Variants in MALRD1 observed in about 807,000 individuals in gnomAD.
MALRD1 encodes MAM and LDL receptor class A domain containing 1, also known as MAM and LDL-receptor class A domain-containing protein 1.
In MALRD1, 247 loss-of-function variants were observed where a neutral mutation model predicts 242.1. The observed-to-expected ratio is 1.02, with a 90% CI of 0.92 to 1.13. The LOEUF is 1.13. MALRD1 is among the 50% of genes most tolerant of loss of function. The pLI is 0.00. For synonymous variants in MALRD1, 995 were observed against 866.6 expected, an observed-to-expected ratio of 1.15 and a Z score of -2.60; for missense variants, 2,989 against 2,533.1, an observed-to-expected ratio of 1.18 and a Z score of -3.86.
chr10:19,283,338 T>A (rs1840916257), intron 21 of MALRD1, among the ~76,000 whole-genome samples, 157 bp downstream of exon 21: 1 of 152,034 alleles, frequency 6.6e-6, no homozygotes, highest in Non-Finnish European at 1.5e-5. Context: ...AATGGAAAAA[T>A]TATCAATTAA....
intron 2 of MALRD1, among the ~76,000 whole-genome samples, chr10:19,077,503 C>T (rs910258129): frequency 2.6e-5 from 4 of 151,826 alleles, no homozygotes; most frequent in Non-Finnish European, 4.4e-5. Flanking sequence ...AATGCTGACC[C>T]TAAAGGGTGC....
At chr10:19,442,574 A>G (rs1307895384) in intron 28 of MALRD1, among the ~76,000 whole-genome samples, 1 of 152,248 alleles carries the variant, frequency 6.6e-6, no homozygotes, top group African/African-American at 2.4e-5. Flanking sequence ...CTATTGAGAT[A>G]ATCATGTGGT....
intron 2 of MALRD1, among the ~76,000 whole-genome samples, chr10:19,080,343 C>T (rs1216855363): frequency 6.6e-6 from 1 of 151,950 alleles, no homozygotes; most frequent in African/African-American, 2.4e-5. Flanking sequence ...AAACTGGAGG[C>T]ATCATGCTAC....
chr10:19,489,403 A>G (rs1837383910), intron 29 of MALRD1: 4 of 556,796 alleles, frequency 7.2e-6, no homozygotes, highest in Non-Finnish European at 1.4e-5. Context: ...AGTCTGATTA[A>G]TACTATGTAC....
chr10:19,257,385 C>T lies in MALRD1; in HGVS notation c.2992-299C>T, dbSNP rs549872436. 4.3e-4 allele frequency among the ~76,000 whole-genome samples: 65 copies of T among 152,158 alleles called. 1 individual carries two copies. Among genetic ancestry groups the T allele is most frequent in the African/African-American group, 1.5e-3 (64 of 41,536 alleles). Reference sequence around the variant, plus strand: ...AACAACACAAATCTAGAACTAATGGCTGAAAGTTATAGGGCAGTGGATATC... The same window carrying T: ...AACAACACAAATCTAGAACTAATGGTTGAAAGTTATAGGGCAGTGGATATC... On this transcript the variant is annotated intron_variant, in intron 18 of 39. Coordinates refer to ENST00000454679, the MANE Select transcript of MALRD1 (RefSeq NM_001142308.3).
chr10:19,712,367 A>T (rs1337740124), intron 38 of MALRD1, among the ~76,000 whole-genome samples: 1 of 152,192 alleles, frequency 6.6e-6, no homozygotes, highest in African/African-American at 2.4e-5. Flanking sequence ...TGCTTTTTGC[A>T]ATGTTTCCAT....
At chr10:19,442,705 G>A (rs1000605198) in intron 28 of MALRD1, among the ~76,000 whole-genome samples, 3 of 152,108 alleles carry the variant, frequency 2.0e-5, no homozygotes, top group Non-Finnish European at 2.9e-5. Context: ...TTGATGTGCC[G>A]CTGGGTTCGT....
intron 28 of MALRD1, among the ~76,000 whole-genome samples, chr10:19,407,405 G>C (rs763055955): frequency 6.6e-6 from 1 of 152,034 alleles, no homozygotes; most frequent in South Asian, 2.1e-4. Flanking sequence ...TCACTGGAGC[G>C]CAGGAGTTCA....
intron 36 of MALRD1, among the ~76,000 whole-genome samples, chr10:19,655,991 T>G (rs1204631312): frequency 2.6e-5 from 4 of 152,166 alleles, no homozygotes; most frequent in Non-Finnish European, 4.4e-5. Context: ...CTCTTCAATA[T>G]TCTCATATAT....
chr10:19,125,313 CCTTCCTTCCTTCTTT>C (rs1837228284), intron 7 of MALRD1, among the ~76,000 whole-genome samples: 1 of 63,218 alleles, frequency 1.6e-5, no homozygotes, highest in African/African-American at 8.2e-5. Flanking sequence ...TTCCTTCCTT[CCTTCCTTCCTTCTTT>C]CTTTCTTTCT....
intron 31 of MALRD1, among the ~76,000 whole-genome samples, chr10:19,510,385 C>T (rs903660513): frequency 1.5e-4 from 22 of 151,510 alleles, no homozygotes; most frequent in Non-Finnish European, 2.9e-4. Flanking sequence ...TTTCCCTTCC[C>T]ACAAGGCCAT....
At chr10:19,109,433 A>T (rs1836596675) in intron 5 of MALRD1, among the ~76,000 whole-genome samples, 1 of 152,180 alleles carries the variant, frequency 6.6e-6, no homozygotes, top group South Asian at 2.1e-4. Flanking sequence ...TCTCCGGGTC[A>T]GTCATGACCT....
At chr10:19,397,712 AG>A (rs762027801) in intron 28 of MALRD1, among the ~76,000 whole-genome samples, 42 of 151,684 alleles carry the variant, frequency 2.8e-4, no homozygotes, top group South Asian at 4.1e-4. Flanking sequence ...ACAGTCTGCA[AG>A]GGGACAGTGT....
intron 18 of MALRD1, among the ~76,000 whole-genome samples, chr10:19,230,438 A>G (rs1838000993): frequency 1.3e-5 from 2 of 152,152 alleles, no homozygotes; most frequent in African/African-American, 4.8e-5. Flanking sequence ...AAGGGAAACC[A>G]GCATATCACA....
intron 31 of MALRD1, among the ~76,000 whole-genome samples, chr10:19,501,054 C>T (rs1184829632): frequency 6.6e-6 from 1 of 152,024 alleles, no homozygotes; most frequent in African/African-American, 2.4e-5. Flanking sequence ...TAGGTATGTG[C>T]CTTGGAGTTG....
intron 11 of MALRD1, among the ~76,000 whole-genome samples, chr10:19,148,784 A>ATATATATATATATATATATATAT (rs1309198981): frequency 1.6e-5 from 1 of 63,936 alleles, no homozygotes; most frequent in African/African-American, 5.4e-5. Flanking sequence ...AAAAAAAAAA[A>ATATATATATATATATATATATAT]AAAAATATAT....
At chr10:19,463,274 A>C (rs918938188) in intron 29 of MALRD1, among the ~76,000 whole-genome samples, 2 of 151,982 alleles carry the variant, frequency 1.3e-5, no homozygotes, top group Admixed American at 6.6e-5. Context: ...CATCACGTGA[A>C]CAGTACACAG....
intron 4 of MALRD1, among the ~76,000 whole-genome samples, chr10:19,099,179 C>G (rs1261621678): frequency 1.3e-5 from 2 of 152,160 alleles, no homozygotes; most frequent in East Asian, 1.9e-4. Flanking sequence ...TTCACCCGTG[C>G]AAGCTTCCAG....
At chr10:19,365,119 A>G (rs554691357) in intron 26 of MALRD1, among the ~76,000 whole-genome samples, 133 of 152,274 alleles carry the variant, frequency 8.7e-4, no homozygotes, top group African/African-American at 3.2e-3. Flanking sequence ...AAACACATAC[A>G]TGTTTTCTCT....
Sources: gnomAD v4.1 joint callset for allele counts (sites outside exome capture counted in the v4.1 genomes callset) on GRCh38, gnomAD v4.1.1 for gene constraint, MANE v1.5 for transcripts, NCBI Gene and HGNC (gene_info 2026-07-23, HGNC 2026-07-21) for gene names.